The following CDH11 variants were observed in gnomAD, a reference collection of about 807,000 sequenced individuals.
The protein encoded by CDH11 is cadherin 11, also known as cadherin-11.
In CDH11, 11 loss-of-function variants were observed where a neutral mutation model predicts 67.8. The ratio of observed to expected loss-of-function variants is 0.16; its 90% CI spans 0.10 to 0.27. CDH11 has a LOEUF of 0.27. Among genes scored for constraint, CDH11 ranks in the 10% least tolerant of loss-of-function variants. The probability of loss-of-function intolerance (pLI) is 1.00; values close to 1 mark genes in which losing one functional copy is unlikely to be tolerated. For missense variants in CDH11, 847 were observed against 1,031.2 expected (o/e 0.82, Z 2.45); for synonymous variants, 419 against 400.0 (o/e 1.05, Z -0.57).
chr16:65,068,433 A>C (rs1447989697), intron 1 of CDH11, among the ~76,000 whole-genome samples: 4 of 119,474 alleles, frequency 3.3e-5, no homozygotes, highest in Non-Finnish European at 5.2e-5. Context: ...AAAAAAAAAA[A>C]AAAAAAGAGG....
chr16:65,123,361 G>GA (rs2142910487), upstream of CDH11, among the ~76,000 whole-genome samples: 1 of 152,054 alleles, frequency 6.6e-6, no homozygotes, highest in East Asian at 2.0e-4. Flanking sequence ...ATGGACCCGC[G>GA]AAAAAGACGG....
intron 7 of CDH11, among the ~76,000 whole-genome samples, chr16:64,983,976 C>A (rs1257175482): frequency 1.3e-5 from 2 of 152,148 alleles, no homozygotes; most frequent in African/African-American, 4.8e-5. Context: ...GAACCTGGAG[C>A]TATTTTCCCA....
chr16:65,088,327 A>G (rs2074737437), intron 1 of CDH11, among the ~76,000 whole-genome samples: 1 of 152,228 alleles, frequency 6.6e-6, no homozygotes, highest in South Asian at 2.1e-4. Flanking sequence ...AGTCCAAAGG[A>G]AATAAGACAA....
upstream of CDH11, chr16:65,122,243 G>T: frequency 2.2e-6 from 1 of 462,672 alleles, no homozygotes; most frequent in Admixed American, 4.2e-5. Flanking sequence ...CAGAGGCTGC[G>T]GGGGCCGACC....
rs57695452 is a variant in CDH11, at chr16:65,045,329, G to GTATATATATATA, written c.-173+8463_-173+8474dup. 6.2e-3 allele frequency among the ~76,000 whole-genome samples: 390 copies of GTATATATATATA among 63,166 alleles called. 54 individuals are homozygous for GTATATATATATA. Among genetic ancestry groups the GTATATATATATA allele is most frequent in the Non-Finnish European group, 7.5e-3 (228 of 30,316 alleles). The allele number at this position is 63,166 out of a possible 152,430, so 41.4% of individuals were successfully genotyped here. On this transcript the variant is annotated intron_variant, in intron 2 of 12. Coordinates refer to ENST00000268603, the MANE Select transcript of CDH11 (RefSeq NM_001797.4). ...TTTTAAAAATTTGTTTCCCTCAAAAGTATATATATATATATATATATATAT... is the reference window on the plus strand; with the variant it reads ...TTTTAAAAATTTGTTTCCCTCAAAAGTATATATATATATATATATATATATATATATATATAT...
intron 1 of CDH11, among the ~76,000 whole-genome samples, chr16:65,113,015 C>T (rs775941636): frequency 2.6e-5 from 4 of 152,272 alleles, no homozygotes; most frequent in Non-Finnish European, 5.9e-5. Context: ...TGGCCAGGCA[C>T]GCTGGCTCAC....
chr16:65,114,249 G>A (rs2142890103), intron 1 of CDH11, among the ~76,000 whole-genome samples: 1 of 152,272 alleles, frequency 6.6e-6, no homozygotes. Flanking sequence ...GAGGATCTCA[G>A]AAGCTCCCAT....
At chr16:64,999,567 T>G (rs543310893) in intron 3 of CDH11, among the ~76,000 whole-genome samples, 69 of 152,248 alleles carry the variant, frequency 4.5e-4, no homozygotes, top group African/African-American at 1.3e-3. Context: ...GGAGTCTCAC[T>G]CTGTTGCCCA....
intron 4 of CDH11, among the ~76,000 whole-genome samples, chr16:64,993,663 G>A (rs534854500): frequency 2.0e-5 from 3 of 152,284 alleles, no homozygotes; most frequent in African/African-American, 4.8e-5. Context: ...CATCTGGTGA[G>A]AGGTAAGGGA....
chr16:65,065,926 C>T (rs2074305467), intron 1 of CDH11, among the ~76,000 whole-genome samples: 1 of 152,188 alleles, frequency 6.6e-6, no homozygotes. Flanking sequence ...ATAGATAACC[C>T]CTATTTGAAA....
rs2073008657 is a variant in CDH11, at chr16:65,004,747, C to T, written c.123G>A (p.Lys41=). The change falls in exon 3 of 13, where the codon AAG becomes AAA. Residue 41 remains lysine, a synonymous_variant. Transcript: ENST00000268603. The part of the protein sequence containing the change: ...LRPSFHGHHE[K]GKEGQVLQRS... ...GCTGTAGCACCTGCCCCTCCTTGCCCTTCTCATGGTGCCCATGGAAGGAGG... is the reference window on the plus strand; with the variant it reads ...GCTGTAGCACCTGCCCCTCCTTGCCTTTCTCATGGTGCCCATGGAAGGAGG... The T allele has an allele frequency of 6.2e-7, 1 of 1,613,780 alleles. No individual in the cohort carries two copies. Among genetic ancestry groups the T allele is most frequent in the Non-Finnish European group, 8.5e-7 (1 of 1,179,968 alleles).
At chr16:64,949,429 T>C (rs1597002028) in intron 12 of CDH11, among the ~76,000 whole-genome samples, 1 of 146,234 alleles carries the variant, frequency 6.8e-6, no homozygotes, top group Admixed American at 6.8e-5. Flanking sequence ...TTTTTTCTTT[T>C]TTTTTTTTTT....
chr16:65,091,931 C>G (rs1258700068), intron 1 of CDH11, among the ~76,000 whole-genome samples: 2 of 152,132 alleles, frequency 1.3e-5, no homozygotes, highest in East Asian at 3.9e-4. Context: ...ATTTATCAAG[C>G]TCCCTCCTTT....
chr16:65,046,127 T>C (rs2073958101), intron 2 of CDH11, among the ~76,000 whole-genome samples: 6 of 152,210 alleles, frequency 3.9e-5, no homozygotes, highest in Admixed American at 3.3e-4. Flanking sequence ...ACCTGAGCAA[T>C]GCTCAGGCGC....
intron 6 of CDH11, among the ~76,000 whole-genome samples, chr16:64,990,308 C>T (rs1043617935): frequency 1.4e-4 from 22 of 152,182 alleles, no homozygotes; most frequent in African/African-American, 5.1e-4. Flanking sequence ...GGATGCTGAA[C>T]TTGTGCCCGG....
In CDH11 at chr16:64,943,809, A is replaced by G. The variant is rs551852355; in HGVS notation, c.*3794T>C. The G allele has an allele frequency of 9.2e-6, 2 of 217,064 alleles. No homozygotes were observed. Among genetic ancestry groups the G allele is most frequent in the South Asian group, 3.7e-4 (2 of 5,390 alleles). 13.4% of individuals were successfully genotyped at this position (217,064 alleles called of 1,614,324 possible). A position where few individuals can be genotyped will look rare whatever the true frequency, so the allele number is the denominator to read the frequency against. On this transcript the variant is annotated 3_prime_UTR_variant, in exon 13 of 13. Coordinates refer to ENST00000268603, the MANE Select transcript of CDH11 (RefSeq NM_001797.4). ...ACCTGTTATGTTTCAGGCACTGTGT[A>G]AAGAACTGAGTATACAATGGTAAAC...
At chr16:65,110,788 G>C (rs2075143868) in intron 1 of CDH11, among the ~76,000 whole-genome samples, 1 of 151,986 alleles carries the variant, frequency 6.6e-6, no homozygotes, top group Non-Finnish European at 1.5e-5. Flanking sequence ...TGGAGTAGAA[G>C]GAACTCTCTT....
intron 2 of CDH11, among the ~76,000 whole-genome samples, chr16:65,021,588 A>G (rs2073425468): frequency 6.9e-6 from 1 of 144,032 alleles, no homozygotes; most frequent in Admixed American, 6.9e-5. Flanking sequence ...ATATATATAT[A>G]TTAGTTATCC....
intron 1 of CDH11, among the ~76,000 whole-genome samples, chr16:65,099,749 A>G (rs1194440716): frequency 6.6e-6 from 1 of 152,174 alleles, no homozygotes; most frequent in Non-Finnish European, 1.5e-5. Context: ...TCCAGTCTTG[A>G]CAGAAGCTAG....
Sources: gnomAD v4.1 joint callset for allele counts (sites outside exome capture counted in the v4.1 genomes callset) on GRCh38, gnomAD v4.1.1 for gene constraint, MANE v1.5 for transcripts, NCBI Gene and HGNC (gene_info 2026-07-23, HGNC 2026-07-21) for gene names.